Variants in LRFN2 observed in about 807,000 individuals in gnomAD.
LRFN2 encodes leucine rich repeat and fibronectin type III domain containing 2, also known as leucine-rich repeat and fibronectin type-III domain-containing protein 2.
Under a neutral mutation model 37.3 loss-of-function variants are expected in LRFN2, and 18 were observed. The observed-to-expected ratio is 0.48, with a 90% CI of 0.33 to 0.72. The LOEUF (loss-of-function observed/expected upper bound fraction) is 0.72, where lower values mean the gene tolerates loss of function less well. LRFN2 is among the 30% of genes least tolerant of loss of function. LRFN2 has a pLI of 0.02. For missense variants in LRFN2, 1,006 were observed against 1,060.7 expected (o/e 0.95, Z 0.72); for synonymous variants, 556 against 466.6 (o/e 1.19, Z -2.47).
At chr6:40,414,726 G>T (rs971519152) in intron 2 of LRFN2, among the ~76,000 whole-genome samples, 1 of 152,224 alleles carries the variant, frequency 6.6e-6, no homozygotes, top group African/African-American at 2.4e-5. Context: ...AAAGGCTTGA[G>T]TGAGAAGCTT....
intron 1 of LRFN2, among the ~76,000 whole-genome samples, chr6:40,559,348 A>G (rs536253532): frequency 6.6e-6 from 1 of 152,278 alleles, no homozygotes; most frequent in East Asian, 1.9e-4. Flanking sequence ...TGTTTGAGAC[A>G]TTACTTTGAA....
chr6:40,469,119 A>G (rs1199791961), intron 1 of LRFN2, among the ~76,000 whole-genome samples: 1 of 152,118 alleles, frequency 6.6e-6, no homozygotes, highest in Non-Finnish European at 1.5e-5. Flanking sequence ...GAGGCACAGG[A>G]GGGGAAGACA....
At chr6:40,463,096 T>G (rs1009145351) in intron 1 of LRFN2, among the ~76,000 whole-genome samples, 1 of 152,216 alleles carries the variant, frequency 6.6e-6, no homozygotes, top group African/African-American at 2.4e-5. Flanking sequence ...GTGGTCATCT[T>G]GAACCATAAG....
chr6:40,447,438 G>C (rs1416375220), intron 1 of LRFN2, among the ~76,000 whole-genome samples: 1 of 152,178 alleles, frequency 6.6e-6, no homozygotes, highest in East Asian at 1.9e-4. Flanking sequence ...AGGCAGAGCT[G>C]TCACCATCCC....
chr6:40,437,828 A>T (rs1389780196), intron 1 of LRFN2, among the ~76,000 whole-genome samples: 1 of 152,224 alleles, frequency 6.6e-6, no homozygotes, highest in African/African-American at 2.4e-5. Flanking sequence ...GTTCCCTCTA[A>T]GTATCTTAGG....
At chr6:40,409,392 T>C (rs1393452974) in intron 2 of LRFN2, among the ~76,000 whole-genome samples, 2 of 152,194 alleles carry the variant, frequency 1.3e-5, no homozygotes, top group African/African-American at 2.4e-5. Context: ...GCAAAATGGG[T>C]TCGTAACAGC....
intron 1 of LRFN2, among the ~76,000 whole-genome samples, chr6:40,570,575 G>A (rs1025787689): frequency 6.6e-6 from 1 of 152,196 alleles, no homozygotes; most frequent in Non-Finnish European, 1.5e-5. Context: ...CAGGCTGCAA[G>A]AGAGAAGCAA....
At chr6:40,507,460 C>T (rs910124965) in intron 1 of LRFN2, among the ~76,000 whole-genome samples, 2 of 152,188 alleles carry the variant, frequency 1.3e-5, no homozygotes, top group African/African-American at 4.8e-5. Flanking sequence ...GCTTCAGAAA[C>T]AGGCTCAGAG....
At chr6:40,514,936 T>C (rs1765819104) in intron 1 of LRFN2, among the ~76,000 whole-genome samples, 1 of 152,188 alleles carries the variant, frequency 6.6e-6, no homozygotes, top group Non-Finnish European at 1.5e-5. Context: ...GCCCCATTTT[T>C]AGAACTTCTC....
intron 1 of LRFN2, among the ~76,000 whole-genome samples, chr6:40,439,046 G>A (rs1013411128): frequency 2.6e-5 from 4 of 152,080 alleles, no homozygotes; most frequent in African/African-American, 9.7e-5. Flanking sequence ...CCCCAGCCAG[G>A]GGCTTCCTCC....
chr6:40,565,626 A>C (rs1021049209), intron 1 of LRFN2, among the ~76,000 whole-genome samples: 24 of 152,270 alleles, frequency 1.6e-4, no homozygotes, highest in African/African-American at 4.8e-4. Flanking sequence ...CAAAAACAAG[A>C]AATGGGGAAA....
At chr6:40,442,567 C>T (rs892823935) in intron 1 of LRFN2, among the ~76,000 whole-genome samples, 9 of 151,718 alleles carry the variant, frequency 5.9e-5, no homozygotes, top group African/African-American at 9.7e-5. Flanking sequence ...GACGGGGCCG[C>T]GTCTCCCCTC....
At chr6:40,427,579 A>C (rs377746766) in intron 2 of LRFN2, among the ~76,000 whole-genome samples, 1 of 152,246 alleles carries the variant, frequency 6.6e-6, no homozygotes, top group South Asian at 2.1e-4. Flanking sequence ...CATCTCCTGA[A>C]GACATGGTTC....
intron 1 of LRFN2, among the ~76,000 whole-genome samples, chr6:40,554,072 C>G (rs530375139): frequency 6.6e-5 from 10 of 152,318 alleles, no homozygotes; most frequent in South Asian, 2.1e-4. Context: ...CATCTACCTA[C>G]GACCCTCCAT....
intron 1 of LRFN2, among the ~76,000 whole-genome samples, chr6:40,467,388 G>A (rs1429486162): frequency 6.6e-6 from 1 of 152,088 alleles, no homozygotes; most frequent in Non-Finnish European, 1.5e-5. Context: ...AGATACTGCA[G>A]CAGGCTCTGA....
chr6:40,561,611 T>C (rs1184427746), intron 1 of LRFN2, among the ~76,000 whole-genome samples: 1 of 152,218 alleles, frequency 6.6e-6, no homozygotes, highest in African/African-American at 2.4e-5. Context: ...CTGGTTACTC[T>C]CTTCTTGGGC....
intron 1 of LRFN2, among the ~76,000 whole-genome samples, chr6:40,476,659 T>G: frequency 6.6e-6 from 1 of 152,244 alleles, no homozygotes; most frequent in East Asian, 1.9e-4. Flanking sequence ...CCAGACAGAG[T>G]TAATCTCTCC....
In LRFN2 at chr6:40,432,874, G is replaced by A. The variant is rs1763542018; in HGVS notation, c.240C>T (p.Asp80=). 2.5e-6 allele frequency: 4 copies of A among 1,614,262 alleles called. No homozygotes were observed. Among genetic ancestry groups the A allele is most frequent in the Non-Finnish European group, 3.4e-6 (4 of 1,180,054 alleles). ...QDFANMTGLV[D]LTLSRNTISH... ...TGATGGTGTTCCTGGACAGGGTCAG[G>A]TCCACCAGCCCCGTCATGTTGGCAA... Residue 80 remains aspartate, a synonymous_variant, in exon 2 of 3, where the codon GAC becomes GAT. Transcript: ENST00000338305.
At chr6:40,457,586 C>CCATGATCATA (rs1764260028) in intron 1 of LRFN2, among the ~76,000 whole-genome samples, 1 of 143,268 alleles carries the variant, frequency 7.0e-6, no homozygotes, top group Admixed American at 7.5e-5. Flanking sequence ...CTGCAGTGAG[C>CCATGATCATA]CATGATCATA....
Sources: allele counts gnomAD v4.1 joint callset (sites outside exome capture counted in the v4.1 genomes callset), GRCh38; gene constraint gnomAD v4.1.1; transcripts MANE v1.5; gene names NCBI Gene and HGNC (gene_info 2026-07-23, HGNC 2026-07-21).